SLC35F1: variants seen among roughly 807,000 people sequenced by gnomAD.
SLC35F1 encodes the protein solute carrier family 35 member F1.
A neutral mutation model predicts 48.7 loss-of-function variants in SLC35F1; 14 were observed. That is an observed-to-expected ratio of 0.29 (90% CI 0.19 to 0.45). The LOEUF is 0.45. Among genes scored for constraint, SLC35F1 ranks in the 20% least tolerant of loss-of-function variants. The pLI, the probability that SLC35F1 is intolerant of heterozygous loss-of-function variation, is 1.00. For missense variants in SLC35F1, 404 were observed against 500.0 expected (o/e 0.81, Z 1.83); for synonymous variants, 190 against 202.2 (o/e 0.94, Z 0.51).
intron 1 of SLC35F1, among the ~76,000 whole-genome samples, chr6:118,084,240 G>GT (rs924626841): frequency 3.9e-5 from 6 of 151,908 alleles, no homozygotes; most frequent in Non-Finnish European, 8.8e-5. Flanking sequence ...ACTTTATTAA[G>GT]TTTTTTTTAA....
At chr6:118,198,695 C>T (rs910783631) in intron 2 of SLC35F1, among the ~76,000 whole-genome samples, 20 of 152,196 alleles carry the variant, frequency 1.3e-4, no homozygotes, top group African/African-American at 4.6e-4. Context: ...AATATATACC[C>T]ATATGTCACA....
intron 2 of SLC35F1, among the ~76,000 whole-genome samples, chr6:118,179,889 A>G (rs1341515245): frequency 6.6e-6 from 1 of 152,088 alleles, no homozygotes; most frequent in African/African-American, 2.4e-5. Flanking sequence ...CTGGGTTTTA[A>G]CAGTTGCCAA....
intron 1 of SLC35F1, among the ~76,000 whole-genome samples, chr6:118,086,646 C>G (rs765005919): frequency 9.9e-5 from 15 of 152,184 alleles, no homozygotes; most frequent in Non-Finnish European, 1.8e-4. Context: ...TGTTCTTTGG[C>G]TACCAGCTCT....
At chr6:118,271,010 G>A (rs77188749) in intron 4 of SLC35F1, among the ~76,000 whole-genome samples, 6,076 of 152,198 alleles carry the variant, frequency 0.04, 418 homozygotes, top group African/African-American at 0.14. Flanking sequence ...TATCAAAGAT[G>A]TTAGATGCCA....
intron 1 of SLC35F1, chr6:117,999,437 G>C (rs1489487772): frequency 7.6e-6 from 12 of 1,585,726 alleles, no homozygotes; most frequent in Non-Finnish European, 1.0e-5. Flanking sequence ...CCCTACAAAG[G>C]CTTCAGAGTA....
intron 1 of SLC35F1, among the ~76,000 whole-genome samples, chr6:118,046,787 C>G (rs118186432): frequency 1.3e-5 from 2 of 152,074 alleles, no homozygotes; most frequent in East Asian, 3.9e-4. Context: ...ATACCTATTT[C>G]TCAGACAAGA....
intron 1 of SLC35F1, among the ~76,000 whole-genome samples, chr6:118,073,599 A>G (rs1772774747): frequency 6.6e-6 from 1 of 152,252 alleles, no homozygotes; most frequent in African/African-American, 2.4e-5. Context: ...TACCATGAGT[A>G]AGTCTGTAAA....
intron 7 of SLC35F1, among the ~76,000 whole-genome samples, chr6:118,304,495 C>T (rs945337900): frequency 6.6e-6 from 1 of 152,038 alleles, no homozygotes; most frequent in African/African-American, 2.4e-5. Context: ...GATGAAAATG[C>T]CTTCTATTCC....
At position 117,907,708 on chromosome 6, in the gene SLC35F1, C is replaced by A; in HGVS notation, c.-19C>A. 2 of 1,453,608 alleles carry A rather than the reference C, an allele frequency of 1.4e-6. No individual in the cohort carries two copies. Among genetic ancestry groups the A allele is most frequent in the Non-Finnish European group, 1.8e-6 (2 of 1,081,494 alleles). The allele number at this position is 1,453,608 out of a possible 1,614,324, so 90.0% of individuals were successfully genotyped here. ...CCCGGCTGCGTTCTGATCGCCGCCG[C>A]GCCTCAGCCTCTGCCGCGATGATCC... On this transcript the variant is annotated 5_prime_UTR_variant, in exon 1 of 8. Coordinates refer to ENST00000360388, the MANE Select transcript of SLC35F1 (RefSeq NM_001029858.4).
intron 1 of SLC35F1, among the ~76,000 whole-genome samples, chr6:118,122,896 A>T (rs1320984382): frequency 5.3e-5 from 8 of 152,196 alleles, no homozygotes; most frequent in Non-Finnish European, 1.2e-4. Context: ...ATTTTGGAAC[A>T]TTTATCAACT....
At chr6:117,910,562 A>G (rs1775748919) in intron 1 of SLC35F1, among the ~76,000 whole-genome samples, 1 of 152,204 alleles carries the variant, frequency 6.6e-6, no homozygotes, top group Admixed American at 6.5e-5. Flanking sequence ...CCAAATCGGG[A>G]AGCTGGGAGC....
chr6:118,253,868 G>C (rs1490065845), intron 3 of SLC35F1, among the ~76,000 whole-genome samples: 3 of 151,982 alleles, frequency 2.0e-5, no homozygotes, highest in South Asian at 2.1e-4. Context: ...AGTAACTGTA[G>C]ATTGATCTTC....
chr6:118,245,680 T>C lies in SLC35F1; in HGVS notation c.477+10044T>C, dbSNP rs545454617. 8.5e-5 allele frequency among the ~76,000 whole-genome samples: 13 copies of C among 152,252 alleles called. No individual in the cohort carries two copies. The East Asian group carries it at 1.9e-3, about 23-fold the overall frequency. On this transcript the variant is annotated intron_variant, in intron 3 of 7. Transcript: ENST00000360388. ...TCCCCACCTCCCAGCCGGCACCCCT[T>C]CTCAGGCAGGATACACAGATGTCTA...
In SLC35F1 at chr6:118,277,280, C is replaced by T. The variant is rs187931057; in HGVS notation, c.795-214C>T. Among the ~76,000 whole-genome samples the T allele has an allele frequency of 8.1e-3, 1,237 of 152,272 alleles. 10 individuals are homozygous for T. The highest frequency in any genetic ancestry group is 0.027 in the Middle Eastern group (8 of 294). ...GGAAGGGTTGAGCGCCCCAGGGCCC[C>T]GTGGCACACCCTCACACACCGACCG... On this transcript the variant is annotated intron_variant, in intron 5 of 7. Transcript: ENST00000360388.
intron 2 of SLC35F1, among the ~76,000 whole-genome samples, chr6:118,214,981 T>C (rs1238608196): frequency 1.3e-5 from 2 of 152,152 alleles, no homozygotes; most frequent in African/African-American, 2.4e-5. Flanking sequence ...ACTGCCTAGG[T>C]TTTATTTTTG....
At chr6:117,975,458 A>G (rs1776693729) in intron 1 of SLC35F1, among the ~76,000 whole-genome samples, 1 of 152,222 alleles carries the variant, frequency 6.6e-6, no homozygotes, top group Admixed American at 6.5e-5. Flanking sequence ...GTTGAAGAAT[A>G]CTATAGGACC....
chr6:117,915,933 G>T (rs928040314), intron 1 of SLC35F1, among the ~76,000 whole-genome samples: 1 of 152,202 alleles, frequency 6.6e-6, no homozygotes, highest in Non-Finnish European at 1.5e-5. Flanking sequence ...GCTAAAAGAA[G>T]ATTTGATTAT....
intron 1 of SLC35F1, among the ~76,000 whole-genome samples, chr6:118,103,332 A>G (rs915160046): frequency 2.0e-5 from 3 of 152,182 alleles, no homozygotes; most frequent in Non-Finnish European, 2.9e-5. Flanking sequence ...GGTTTGTTAC[A>G]TATGTATACA....
intron 1 of SLC35F1, among the ~76,000 whole-genome samples, chr6:118,017,374 C>A (rs186049682): frequency 1.3e-5 from 2 of 152,298 alleles, no homozygotes; most frequent in Admixed American, 1.3e-4. Flanking sequence ...GAGTCCTAGG[C>A]AAGCCAAGGT....
Sources: allele counts gnomAD v4.1 joint callset (sites outside exome capture counted in the v4.1 genomes callset), GRCh38; gene constraint gnomAD v4.1.1; transcripts MANE v1.5; gene names NCBI Gene and HGNC (gene_info 2026-07-23, HGNC 2026-07-21).